The following VPS13B variants were observed in gnomAD, a reference collection of about 807,000 sequenced individuals.
VPS13B encodes the protein intermembrane lipid transfer protein VPS13B.
In VPS13B, 285 loss-of-function variants were observed where a neutral mutation model predicts 426.4. The observed-to-expected ratio is 0.67, with a 90% CI of 0.61 to 0.74. The LOEUF is 0.74. VPS13B is among the 30% of genes least tolerant of loss of function. The pLI is 0.00. For synonymous variants in VPS13B, 1,676 were observed against 1,676.4 expected (o/e 1.00, Z 0.01); for missense variants, 4,537 against 4,782.6 (o/e 0.95, Z 1.51).
intron 19 of VPS13B, among the ~76,000 whole-genome samples, chr8:99,275,877 C>T (rs143192985): frequency 6.6e-6 from 1 of 152,160 alleles, no homozygotes; most frequent in Non-Finnish European, 1.5e-5. Flanking sequence ...ATTCACTTAG[C>T]CAGTATGTGG....
chr8:99,561,671 A>C (rs547666521), intron 31 of VPS13B, among the ~76,000 whole-genome samples: 41 of 152,318 alleles, frequency 2.7e-4, no homozygotes, highest in Non-Finnish European at 5.1e-4. Flanking sequence ...CACATTTAAG[A>C]TAGGCTAGGT....
chr8:99,410,523 T>G (rs961618608), intron 21 of VPS13B, among the ~76,000 whole-genome samples: 2 of 151,802 alleles, frequency 1.3e-5, no homozygotes, highest in African/African-American at 4.8e-5. Flanking sequence ...TCAATCTTGC[T>G]GTGTTACCAG....
At chr8:99,635,172 T>G (rs1232313185) in intron 33 of VPS13B, among the ~76,000 whole-genome samples, 2 of 151,952 alleles carry the variant, frequency 1.3e-5, no homozygotes, top group Non-Finnish European at 2.9e-5. Flanking sequence ...TGTGAAACCA[T>G]TAAAATACTG....
chr8:99,794,978 C>A (rs1415667463), intron 43 of VPS13B, among the ~76,000 whole-genome samples: 1 of 152,126 alleles, frequency 6.6e-6, no homozygotes. Context: ...TATTTAGACC[C>A]AGCTTTTCCA....
intron 21 of VPS13B, among the ~76,000 whole-genome samples, chr8:99,409,907 C>T (rs759626392): frequency 1.3e-5 from 2 of 152,084 alleles, no homozygotes; most frequent in Non-Finnish European, 2.9e-5. Flanking sequence ...TAAGAATTTT[C>T]ACTTCATAAC....
intron 3 of VPS13B, among the ~76,000 whole-genome samples, chr8:99,056,311 T>A (rs1011683806): frequency 3.9e-5 from 6 of 152,172 alleles, no homozygotes; most frequent in Non-Finnish European, 8.8e-5. Flanking sequence ...TCTGCCTGCC[T>A]CAGCCTCCAA....
chr8:99,220,144 T>A (rs6468674), intron 17 of VPS13B, among the ~76,000 whole-genome samples: 2 of 151,970 alleles, frequency 1.3e-5, no homozygotes, highest in Non-Finnish European at 2.9e-5. Context: ...TACAGAGAGC[T>A]TAAAGTCATC....
In VPS13B at chr8:99,107,850, A is replaced by C. The variant is rs144613787; in HGVS notation, c.581-3248A>C. On this transcript the variant is annotated intron_variant, in intron 5 of 61. Transcript: ENST00000357162. ...TTAATATTTCTTTTTATTCCTTTCC[A>C]AGTTGTATTTTAGGTTGAGAGGGTA... Among the ~76,000 whole-genome samples, 926 of 152,266 alleles carry C rather than the reference A, an allele frequency of 6.1e-3. 13 individuals carry two copies. The highest frequency in any genetic ancestry group is 0.021 in the African/African-American group (882 of 41,546).
chr8:99,822,521 A>T (rs1224654362), intron 50 of VPS13B, among the ~76,000 whole-genome samples: 3 of 152,176 alleles, frequency 2.0e-5, no homozygotes, highest in African/African-American at 7.2e-5. Context: ...TACCATCAAA[A>T]CCTGGAAAAA....
Position 99,699,641 on chromosome 8 carries a change from G to A in VPS13B, c.6163G>A (p.Glu2055Lys). Residue 2055 changes from glutamate to lysine, a missense_variant, in exon 36 of 62, where the codon GAA becomes AAA. Transcript: ENST00000357162. ...IKNAHSLAHS[E>K]ETSAMSNTMV... ...AAATGCACACAGTTTGGCACATAGT[G>A]AAGAGACTTCAGCCATGTCCAACAC... is the stretch of plus-strand genomic sequence containing the variant. 6.2e-7 allele frequency: 1 copy of A among 1,614,112 alleles called. No homozygotes were observed. The highest frequency in any genetic ancestry group is 8.5e-7 in the Non-Finnish European group (1 of 1,180,024).
intron 33 of VPS13B, among the ~76,000 whole-genome samples, chr8:99,581,798 GAAAC>G (rs1826074208): frequency 2.0e-5 from 3 of 152,062 alleles, no homozygotes; most frequent in Non-Finnish European, 4.4e-5. Context: ...TTACATAAAA[GAAAC>G]AAATTTAATA....
chr8:99,275,879 A>G (rs1818868042), intron 19 of VPS13B, among the ~76,000 whole-genome samples: 1 of 152,138 alleles, frequency 6.6e-6, no homozygotes, highest in Admixed American at 6.5e-5. Flanking sequence ...TCACTTAGCC[A>G]GTATGTGGTT....
chr8:99,337,368 T>TG (rs1408334980), intron 19 of VPS13B, among the ~76,000 whole-genome samples: 4 of 67,030 alleles, frequency 6.0e-5, no homozygotes, highest in Non-Finnish European at 1.1e-4. Context: ...TGTTGTGGGG[T>TG]GGGGGGAGGG....
chr8:99,183,097 A>G (rs1211644592), intron 16 of VPS13B, among the ~76,000 whole-genome samples: 1 of 152,152 alleles, frequency 6.6e-6, no homozygotes, highest in Non-Finnish European at 1.5e-5. Flanking sequence ...GAAGACTATA[A>G]TTCACCTTGG....
chr8:99,225,953 C>CT (rs1004376837), intron 17 of VPS13B, among the ~76,000 whole-genome samples: 8 of 150,954 alleles, frequency 5.3e-5, no homozygotes, highest in African/African-American at 1.2e-4. Context: ...TTTCTTTTTA[C>CT]TTTTTTTTTG....
chr8:99,580,823 G>A (rs1826014965), intron 33 of VPS13B, among the ~76,000 whole-genome samples: 1 of 151,880 alleles, frequency 6.6e-6, no homozygotes, highest in Non-Finnish European at 1.5e-5. Context: ...CTCCACTCCA[G>A]CATGGGTGAT....
chr8:99,798,448 T>G (rs1430996633), intron 43 of VPS13B, among the ~76,000 whole-genome samples: 2 of 152,170 alleles, frequency 1.3e-5, no homozygotes, highest in Non-Finnish European at 2.9e-5. Flanking sequence ...TGAGTTTTCC[T>G]TTTCCTTTAT....
intron 44 of VPS13B, among the ~76,000 whole-genome samples, chr8:99,809,832 A>G (rs993619791): frequency 3.3e-5 from 5 of 152,194 alleles, no homozygotes; most frequent in African/African-American, 7.2e-5. Context: ...GCTGTGAAAT[A>G]GCCAAAAGTC....
intron 47 of VPS13B, 92 bp downstream of exon 47, chr8:99,818,980 T>TG: frequency 6.7e-5 from 18 of 266,890 alleles, no homozygotes; most frequent in Non-Finnish European, 1.0e-4. Context: ...GGGGGAGGGG[T>TG]GGGTAGGGAG....
Sources: allele counts gnomAD v4.1 joint callset (sites outside exome capture counted in the v4.1 genomes callset), GRCh38; gene constraint gnomAD v4.1.1; transcripts MANE v1.5; gene names NCBI Gene and HGNC (gene_info 2026-07-23, HGNC 2026-07-21).